DECR1: variants seen among roughly 807,000 people sequenced by gnomAD.
DECR1 encodes the protein 2,4-dienoyl-CoA reductase 1.
DECR1 carries 44 observed loss-of-function variants against 38.8 expected under a neutral mutation model. The ratio of observed to expected loss-of-function variants is 1.13; its 90% confidence interval spans 0.89 to 1.46. DECR1 has a LOEUF of 1.46. Among genes scored for constraint, DECR1 ranks in the 40% most tolerant of loss-of-function variants. The pLI, the probability that DECR1 is intolerant of heterozygous loss-of-function variation, is 0.00. For synonymous variants in DECR1, 148 were observed against 135.2 expected (o/e 1.09, Z -0.66); for missense variants, 428 against 405.5 (o/e 1.06, Z -0.48).
chr8:90,004,183 C>T (rs1021924831), intron 1 of DECR1, among the ~76,000 whole-genome samples: 4 of 151,056 alleles, frequency 2.6e-5, no homozygotes, highest in Admixed American at 6.6e-5. Flanking sequence ...ATTAGCCGGG[C>T]GTGGTGGCGC....
chr8:90,009,346 A>G (rs979992549), intron 1 of DECR1, among the ~76,000 whole-genome samples: 4 of 152,066 alleles, frequency 2.6e-5, no homozygotes, highest in African/African-American at 9.7e-5. Flanking sequence ...GCCTTTGCTG[A>G]TGACTCTATT....
chr8:90,035,859 AT>A (rs1186017759), intron 5 of DECR1, among the ~76,000 whole-genome samples: 1 of 152,024 alleles, frequency 6.6e-6, no homozygotes, highest in Non-Finnish European at 1.5e-5. Context: ...TTTAAGGGTC[AT>A]TTTAAAGCTT....
chr8:90,050,745 T>C (rs781767204), intron 8 of DECR1, among the ~76,000 whole-genome samples: 1 of 152,192 alleles, frequency 6.6e-6, no homozygotes. Flanking sequence ...TGCACTACTA[T>C]TCACAATAGC....
chr8:90,049,125 G>C (rs996732894), intron 8 of DECR1, among the ~76,000 whole-genome samples: 11 of 152,182 alleles, frequency 7.2e-5, no homozygotes, highest in African/African-American at 2.7e-4. Flanking sequence ...CACAAGACAG[G>C]GATGCCCTCT....
chr8:90,044,759 A>T, intron 7 of DECR1, 90 bp from the exon 8 acceptor site: 1 of 1,274,176 alleles, frequency 7.8e-7, no homozygotes, highest in Non-Finnish European at 1.1e-6. Flanking sequence ...GCTGCATGGC[A>T]GCATGCCATT....
intron 8 of DECR1, among the ~76,000 whole-genome samples, chr8:90,046,901 T>C (rs888618723): frequency 6.6e-6 from 1 of 152,202 alleles, no homozygotes; most frequent in Non-Finnish European, 1.5e-5. Flanking sequence ...AAGAAAATAA[T>C]TTTTAACCTA....
chr8:90,010,093 C>T (rs1010123624), intron 1 of DECR1, among the ~76,000 whole-genome samples: 1 of 152,206 alleles, frequency 6.6e-6, no homozygotes, highest in African/African-American at 2.4e-5. Context: ...TTAGCCTTAC[C>T]TTCAGGTTGC....
intron 1 of DECR1, chr8:90,006,056 A>G (rs894908216): frequency 8.0e-6 from 5 of 624,864 alleles, no homozygotes; most frequent in African/African-American, 3.7e-5. Flanking sequence ...GTACTACGAC[A>G]TTCATGATGG....
chr8:90,035,977 A>C (rs763223108), intron 5 of DECR1, among the ~76,000 whole-genome samples: 6 of 151,968 alleles, frequency 3.9e-5, no homozygotes, highest in Non-Finnish European at 7.4e-5. Context: ...TGTTCAGTGA[A>C]GCTGCTTAGA....
intron 8 of DECR1, among the ~76,000 whole-genome samples, chr8:90,046,719 C>A (rs1472332544): frequency 6.6e-6 from 1 of 152,096 alleles, no homozygotes; most frequent in African/African-American, 2.4e-5. Flanking sequence ...AAGAGCAACT[C>A]CAAGACACAT....
chr8:90,012,683 C>G (rs1246863191), intron 1 of DECR1, among the ~76,000 whole-genome samples: 1 of 152,142 alleles, frequency 6.6e-6, no homozygotes, highest in Non-Finnish European at 1.5e-5. Context: ...TAACTGGTGC[C>G]AGAAACTGTA....
At chr8:90,026,072 C>G (rs1387204929) in intron 5 of DECR1, among the ~76,000 whole-genome samples, 4 of 152,180 alleles carry the variant, frequency 2.6e-5, no homozygotes, top group South Asian at 2.1e-4. Context: ...AGGGATGAAG[C>G]CCACTTGATC....
At chr8:90,043,931 T>C (rs1048069475) in intron 7 of DECR1, among the ~76,000 whole-genome samples, 1 of 152,194 alleles carries the variant, frequency 6.6e-6, no homozygotes, top group Non-Finnish European at 1.5e-5. Flanking sequence ...ATTTAACCTA[T>C]ATTTATTGAC....
chr8:90,034,947 T>A (rs1244004706), intron 5 of DECR1, among the ~76,000 whole-genome samples: 1 of 152,202 alleles, frequency 6.6e-6, no homozygotes, highest in Non-Finnish European at 1.5e-5. Context: ...TATAATATCA[T>A]TTTCATATCA....
chr8:90,015,676 G>T (rs566003705), intron 1 of DECR1: 1 of 456,100 alleles, frequency 2.2e-6, no homozygotes, highest in East Asian at 6.9e-5. Flanking sequence ...GGTAGCTTCT[G>T]GAGTTTTAAC....
chr8:90,017,087 A>G lies in DECR1; in HGVS notation c.70-37A>G, dbSNP rs769395791. 1.4e-5 allele frequency: 21 copies of G among 1,472,728 alleles called. No individual in the cohort carries two copies. In the South Asian group the frequency reaches 2.1e-4, roughly 15 times the overall value. The allele number at this position is 1,472,728 out of a possible 1,614,324, so 91.2% of individuals were successfully genotyped here. ...AAAAATTCATCTGTTTTTTGGAAATATATGTATGCAAATTTAAATTCATTT... is the reference window on the plus strand; with the variant it reads ...AAAAATTCATCTGTTTTTTGGAAATGTATGTATGCAAATTTAAATTCATTT... On this transcript the variant is annotated intron_variant, in intron 1 of 9. Transcript: ENST00000220764.
chr8:90,026,269 T>C (rs1813334505), intron 5 of DECR1, among the ~76,000 whole-genome samples: 1 of 152,214 alleles, frequency 6.6e-6, no homozygotes, highest in Non-Finnish European at 1.5e-5. Context: ...CCTCTTTTTC[T>C]ATTGATTGGA....
chr8:90,031,970 C>T (rs1813506197), intron 5 of DECR1, among the ~76,000 whole-genome samples: 1 of 152,080 alleles, frequency 6.6e-6, no homozygotes. Context: ...TACTAGTCCC[C>T]CATTGTGGGG....
chr8:90,052,084 CA>C lies in DECR1; in HGVS notation c.*191del. 2.2e-6 allele frequency: 1 copy of C among 457,686 alleles called. No homozygotes were observed. Among genetic ancestry groups the C allele is most frequent in the Non-Finnish European group, 3.7e-6 (1 of 266,730 alleles). 28.4% of individuals were successfully genotyped at this position (457,686 alleles called of 1,614,324 possible). A position where few individuals can be genotyped will look rare whatever the true frequency, so the allele number is the denominator to read the frequency against. On this transcript the variant is annotated 3_prime_UTR_variant, in exon 10 of 10. Transcript: ENST00000220764. ...ATAAATAAAATGAAATATAGTCCTTCAAAACATTAAAAAAAAAAAAAGGAGG... is the reference window on the plus strand; with the variant it reads ...ATAAATAAAATGAAATATAGTCCTTCAAACATTAAAAAAAAAAAAAGGAGG...
Sources: allele counts gnomAD v4.1 joint callset (sites outside exome capture counted in the v4.1 genomes callset), GRCh38; gene constraint gnomAD v4.1.1; transcripts MANE v1.5; gene names NCBI Gene and HGNC (gene_info 2026-07-23, HGNC 2026-07-21).